Variants in TLL2 observed in about 807,000 individuals in gnomAD.
TLL2 encodes the protein tolloid like 2.
In TLL2, 106 loss-of-function variants were observed where a neutral mutation model predicts 123.0. The observed-to-expected ratio is 0.86, with a 90% confidence interval of 0.74 to 1.01. The LOEUF (loss-of-function observed/expected upper bound fraction) is 1.01, where lower values mean the gene tolerates loss of function less well. Ranked by LOEUF, TLL2 falls within the 50% of genes least tolerant of loss-of-function variation. The probability of loss-of-function intolerance (pLI) is 0.00; values close to 1 mark genes in which losing one functional copy is unlikely to be tolerated. For missense variants in TLL2, 1,332 were observed against 1,336.7 expected (o/e 1.00, Z 0.06); for synonymous variants, 494 against 516.8 (o/e 0.96, Z 0.60).
intron 2 of TLL2, among the ~76,000 whole-genome samples, chr10:96,454,723 C>T (rs919019960): frequency 3.9e-5 from 6 of 152,052 alleles, no homozygotes; most frequent in Admixed American, 3.9e-4. Context: ...ATTGAGAGAG[C>T]GAATACATGC....
At position 96,405,524 on chromosome 10, in the gene TLL2, G is replaced by C. The variant is rs1846441362; in HGVS notation, c.1165-190C>G. Reference sequence around the variant, plus strand: ...TTAAATAATAAACCTTAAGCAGGATGGGGAGTAAACAGAAGGAGATGGGTC... The same window carrying C: ...TTAAATAATAAACCTTAAGCAGGATCGGGAGTAAACAGAAGGAGATGGGTC... On this transcript the variant is annotated intron_variant, in intron 9 of 20. Transcript: ENST00000357947. Among the ~76,000 whole-genome samples the C allele has an allele frequency of 2.0e-5, 3 of 152,322 alleles. No individual in the cohort carries two copies. In the South Asian group the frequency reaches 6.2e-4, roughly 32 times the overall value.
In TLL2 at chr10:96,410,394, A is replaced by T. The variant is rs1291450941; in HGVS notation, c.1129T>A (p.Cys377Ser). Residue 377 changes from cysteine (C) to serine (S), a missense_variant, in exon 9 of 21, where the codon TGC becomes AGC. Physicochemically the swap from Cys to Ser is moderately radical, Grantham distance 112. Transcript: ENST00000357947. ...FPNGYPSYSH[C>S]VWRISVTPGE... The stretch of plus-strand genomic sequence containing the variant: ...GGGGTGACCGAGATCCTCCAGACGC[A>T]GTGGGAGTAAGATGGGTACCCATTT... The T allele has an allele frequency of 3.7e-6, 6 of 1,613,674 alleles. No homozygotes were observed. The highest frequency in any genetic ancestry group is 5.1e-6 in the Non-Finnish European group (6 of 1,180,002).
At chr10:96,507,843 G>A (rs1847591903) in intron 1 of TLL2, among the ~76,000 whole-genome samples, 1 of 151,522 alleles carries the variant, frequency 6.6e-6, no homozygotes. Context: ...TAGAGAAGGT[G>A]GACTAGATTC....
intron 1 of TLL2, among the ~76,000 whole-genome samples, chr10:96,504,830 C>T (rs1395429617): frequency 1.3e-5 from 2 of 152,006 alleles, no homozygotes; most frequent in East Asian, 3.9e-4. Context: ...CACGTTTCAC[C>T]GTGTCATCTC....
intron 16 of TLL2, among the ~76,000 whole-genome samples, chr10:96,380,490 A>C (rs371918422): frequency 3.3e-5 from 5 of 151,966 alleles, no homozygotes; most frequent in Admixed American, 3.3e-4. Context: ...CATCCTGGCT[A>C]ACACGGTGAA....
At chr10:96,433,732 T>C (rs901923602) in intron 3 of TLL2, among the ~76,000 whole-genome samples, 4 of 152,220 alleles carry the variant, frequency 2.6e-5, no homozygotes, top group Non-Finnish European at 5.9e-5. Flanking sequence ...TTATACTTTT[T>C]CCCCTAAAAA....
In TLL2 at chr10:96,395,294, C is replaced by T. The variant is rs776324736; in HGVS notation, c.1619G>A (p.Gly540Asp). 6 of 1,614,064 alleles carry T rather than the reference C, an allele frequency of 3.7e-6. No homozygotes were observed. In the South Asian group the frequency reaches 5.5e-5, roughly 15 times the overall value. The change falls in exon 13 of 21, where the codon GGC becomes GAC. Residue 540 changes from glycine to aspartate, a missense_variant. Gly to Asp is a moderately conservative substitution (Grantham distance 94, BLOSUM62 -1). Transcript: ENST00000357947. ...TTTCACATCCTCCGGCTTCTCATAG[C>T]CACAAAAGTGGCCGATCAGGGCACT... The part of the protein sequence containing the change: ...EESALIGHFC[G>D]YEKPEDVKSS...
chr10:96,421,134 G>T, intron 6 of TLL2, 73 bp from the exon 7 acceptor site: 1 of 1,175,030 alleles, frequency 8.5e-7, no homozygotes. Flanking sequence ...GGAAGGAGAA[G>T]GAGGGCCCAT....
intron 12 of TLL2, among the ~76,000 whole-genome samples, chr10:96,395,600 A>G (rs1026903808): frequency 6.6e-6 from 1 of 152,226 alleles, no homozygotes; most frequent in Non-Finnish European, 1.5e-5. Context: ...TAAATAGAGA[A>G]GAACAATTCT....
In TLL2 at chr10:96,499,159, C is replaced by T. The variant is rs552264792; in HGVS notation, c.175+14352G>A. 3.9e-5 allele frequency among the ~76,000 whole-genome samples: 6 copies of T among 152,338 alleles called. No homozygotes were observed. The East Asian group carries it at 1.2e-3, about 29-fold the overall frequency. On this transcript the variant is annotated intron_variant, in intron 1 of 20. Transcript: ENST00000357947. The stretch of plus-strand genomic sequence containing the variant: ...GCTCTTCCTGGTTCCAGTGGTCTCA[C>T]CTTGCACCCATGGGAAGGGCTGCCA...
chr10:96,462,254 T>C (rs1233318312), intron 2 of TLL2, among the ~76,000 whole-genome samples: 1 of 152,204 alleles, frequency 6.6e-6, no homozygotes, highest in Non-Finnish European at 1.5e-5. Context: ...GCCCAGCCCT[T>C]TGCCTCATTG....
In TLL2 at chr10:96,422,529, C is replaced by T; in HGVS notation, c.817+20G>A. 1 of 1,613,528 alleles carries T rather than the reference C, an allele frequency of 6.2e-7. No homozygotes were observed. The highest frequency in any genetic ancestry group is 8.5e-7 in the Non-Finnish European group (1 of 1,179,814). Reference sequence around the variant, plus strand: ...ACCTTCTCGACCGGTGCCTTCCAGACTCCACACAGGCCTCCTTACCTGGCT... The same window carrying T: ...ACCTTCTCGACCGGTGCCTTCCAGATTCCACACAGGCCTCCTTACCTGGCT... On this transcript the variant is annotated intron_variant, in intron 6 of 20. Coordinates refer to ENST00000357947, the MANE Select transcript of TLL2 (RefSeq NM_012465.4).
intron 2 of TLL2, among the ~76,000 whole-genome samples, chr10:96,474,869 G>A (rs917343990): frequency 3.3e-5 from 5 of 152,206 alleles, no homozygotes; most frequent in East Asian, 1.9e-4. Flanking sequence ...CTTAGCTTGC[G>A]GTGGCTCCTG....
At chr10:96,375,932 G>C (rs1296347545) in intron 18 of TLL2, among the ~76,000 whole-genome samples, 1 of 152,094 alleles carries the variant, frequency 6.6e-6, no homozygotes, top group Non-Finnish European at 1.5e-5. Context: ...TGGCAAAAGG[G>C]GTTCTTTATT....
chr10:96,373,110 C>T (rs1484179678), intron 19 of TLL2: 1 of 153,852 alleles, frequency 6.5e-6, no homozygotes, highest in African/African-American at 2.4e-5. Flanking sequence ...AAGAAGACGG[C>T]CCTTTTCCCT....
chr10:96,474,672 G>T (rs547305288), intron 2 of TLL2, among the ~76,000 whole-genome samples: 6 of 152,324 alleles, frequency 3.9e-5, no homozygotes, highest in African/African-American at 1.4e-4. Context: ...TAATAAGCAA[G>T]GGGGAGCTAT....
chr10:96,429,333 T>C (rs944063271), intron 4 of TLL2, among the ~76,000 whole-genome samples: 3 of 146,482 alleles, frequency 2.0e-5, no homozygotes, highest in African/African-American at 7.6e-5. Flanking sequence ...CTTGAATATA[T>C]ACAATTTTTA....
chr10:96,368,105 G>A lies in TLL2; in HGVS notation c.3031C>T (p.Leu1011=). ...CATCAGCACTATTTCTTCATGTGCA[G>A]GGCATCCTGGAACTTGGTGCTGGTG... ...RYTSTKFQDA[L]HMKK is the part of the protein sequence containing the mutation. Residue 1011 remains leucine (L), a synonymous_variant, in exon 21 of 21, where the codon CTG becomes TTG. Transcript: ENST00000357947. 1.9e-6 allele frequency: 3 copies of A among 1,614,190 alleles called. No individual in the cohort carries two copies. Among genetic ancestry groups the A allele is most frequent in the Non-Finnish European group, 2.5e-6 (3 of 1,180,020 alleles).
At position 96,513,618 on chromosome 10, in the gene TLL2, G is replaced by A; in HGVS notation, c.68C>T (p.Ala23Val). The change falls in exon 1 of 21, where the codon GCC becomes GTC. Residue 23 changes from alanine (A) to valine (V), a missense_variant. Transcript: ENST00000357947. ...GTCCGGGCGCTCCCCGAGTCCCCCG[G>A]CGCCGCGAGGCAGCGGCAGCAGCAG... ...LLLLLPLPRG[A>V]GGLGERPDAT... 1 of 1,601,204 alleles carries A rather than the reference G, an allele frequency of 6.2e-7. No homozygotes were observed. The highest frequency in any genetic ancestry group is 8.5e-7 in the Non-Finnish European group (1 of 1,178,054).
Sources: allele counts gnomAD v4.1 joint callset (sites outside exome capture counted in the v4.1 genomes callset), GRCh38; gene constraint gnomAD v4.1.1; transcripts MANE v1.5; gene names NCBI Gene and HGNC (gene_info 2026-07-23, HGNC 2026-07-21).